Variants in SPAG16 observed in about 807,000 individuals in gnomAD.
SPAG16 encodes sperm-associated antigen 16 protein.
Under a neutral mutation model 80.4 loss-of-function variants are expected in SPAG16, and 86 were observed. The observed-to-expected ratio is 1.07, with a 90% CI of 0.90 to 1.28. The LOEUF (loss-of-function observed/expected upper bound fraction) is 1.28, where lower values mean the gene tolerates loss of function less well. Among genes scored for constraint, SPAG16 ranks in the 50% most tolerant of loss-of-function variants. SPAG16 has a pLI of 0.00. For missense variants in SPAG16, 870 were observed against 765.3 expected (o/e 1.14, Z -1.61); for synonymous variants, 294 against 265.9 (o/e 1.11, Z -1.03).
chr2:213,733,204 A>G (rs1346652032), intron 10 of SPAG16, among the ~76,000 whole-genome samples: 2 of 125,354 alleles, frequency 1.6e-5, no homozygotes, highest in Non-Finnish European at 1.7e-5. Context: ...TCCTTCACCT[A>G]CTTTGTAATG....
At chr2:213,284,899 G>A in intron 1 of SPAG16, 1 of 421,276 alleles carries the variant, frequency 2.4e-6, no homozygotes, top group South Asian at 9.3e-5. Context: ...TTTGGATGGA[G>A]GGTTGCTTTT....
chr2:213,340,399 AC>A (rs1473860970), intron 6 of SPAG16, 129 bp downstream of exon 6: 1 of 676,806 alleles, frequency 1.5e-6, no homozygotes, highest in Non-Finnish European at 2.5e-6. Flanking sequence ...GTAAGTTGCG[AC>A]CCTTGCTGTC....
chr2:214,031,608 AAAT>A (rs1436089085), intron 13 of SPAG16, among the ~76,000 whole-genome samples: 3 of 92,654 alleles, frequency 3.2e-5, no homozygotes, highest in Non-Finnish European at 6.6e-5. Context: ...TAATAAAATA[AAAT>A]AAAATAAAAT....
At chr2:214,217,288 A>G (rs2058456252) in intron 15 of SPAG16, among the ~76,000 whole-genome samples, 1 of 152,228 alleles carries the variant, frequency 6.6e-6, no homozygotes, top group African/African-American at 2.4e-5. Flanking sequence ...TTTTAGTGCT[A>G]TCCCATGCCT....
chr2:214,267,460 TA>T (rs1559167339), intron 15 of SPAG16, among the ~76,000 whole-genome samples: 1 of 151,768 alleles, frequency 6.6e-6, no homozygotes, highest in African/African-American at 2.4e-5. Flanking sequence ...AGAATAAAAA[TA>T]GGCTCTTATT....
intron 13 of SPAG16, among the ~76,000 whole-genome samples, chr2:214,061,089 G>A (rs1021720248): frequency 6.6e-6 from 1 of 152,162 alleles, no homozygotes; most frequent in African/African-American, 2.4e-5. Context: ...GTGAGACAGA[G>A]TACTAAGAGA....
chr2:213,823,998 C>T (rs2073115307), intron 10 of SPAG16, among the ~76,000 whole-genome samples: 1 of 152,116 alleles, frequency 6.6e-6, no homozygotes, highest in South Asian at 2.1e-4. Flanking sequence ...ATGCCTATGT[C>T]CTGAATGGTA....
At chr2:213,442,618 C>A in intron 9 of SPAG16, among the ~76,000 whole-genome samples, 1 of 151,790 alleles carries the variant, frequency 6.6e-6, no homozygotes, top group Admixed American at 6.6e-5. Flanking sequence ...TACAGCCACA[C>A]AAATATAGTC....
intron 13 of SPAG16, among the ~76,000 whole-genome samples, chr2:214,035,808 A>AGAGCT (rs2048666380): frequency 1.3e-5 from 2 of 152,296 alleles, no homozygotes; most frequent in African/African-American, 4.8e-5. Context: ...CTGGATGGTC[A>AGAGCT]GAGCTGTGCC....
intron 10 of SPAG16, among the ~76,000 whole-genome samples, chr2:213,550,003 T>C (rs1050958030): frequency 1.3e-5 from 2 of 152,120 alleles, no homozygotes; most frequent in East Asian, 3.8e-4. Flanking sequence ...AGGGTCTGAA[T>C]ATTTTTATAG....
intron 13 of SPAG16, among the ~76,000 whole-genome samples, chr2:214,061,077 T>C (rs1010128983): frequency 1.3e-5 from 2 of 152,158 alleles, no homozygotes; most frequent in African/African-American, 4.8e-5. Context: ...TGACTCAAGT[T>C]TGTGAGACAG....
chr2:213,567,126 GAGAC>G (rs893793945), intron 10 of SPAG16, among the ~76,000 whole-genome samples: 3 of 147,452 alleles, frequency 2.0e-5, no homozygotes, highest in African/African-American at 7.5e-5. Flanking sequence ...AGAAACTCCA[GAGAC>G]AAAGTTGGAT....
At chr2:214,215,434 C>A (rs1037304073) in intron 15 of SPAG16, among the ~76,000 whole-genome samples, 1 of 152,166 alleles carries the variant, frequency 6.6e-6, no homozygotes, top group African/African-American at 2.4e-5. Flanking sequence ...CTGCTTCTTT[C>A]TTGCTTTGTT....
At chr2:213,361,055 T>C (rs2065951352) in intron 7 of SPAG16, among the ~76,000 whole-genome samples, 1 of 152,108 alleles carries the variant, frequency 6.6e-6, no homozygotes, top group African/African-American at 2.4e-5. Flanking sequence ...AATTTTTGAT[T>C]ATTATCTAGT....
intron 10 of SPAG16, among the ~76,000 whole-genome samples, chr2:213,609,662 C>A (rs1316873514): frequency 6.6e-6 from 1 of 152,148 alleles, no homozygotes; most frequent in African/African-American, 2.4e-5. Flanking sequence ...TGGGCATTTT[C>A]TGCCCATCTC....
chr2:213,556,312 C>CAAAAAA (rs35010847), intron 10 of SPAG16, among the ~76,000 whole-genome samples: 14 of 112,834 alleles, frequency 1.2e-4, no homozygotes, highest in African/African-American at 3.8e-4. Flanking sequence ...AAAAAAAAAC[C>CAAAAAA]AAAAAAAAAA....
intron 10 of SPAG16, among the ~76,000 whole-genome samples, chr2:213,835,953 C>T (rs961914975): frequency 2.0e-5 from 3 of 152,050 alleles, no homozygotes; most frequent in African/African-American, 7.2e-5. Context: ...TGAACCTATA[C>T]CCATGTTTAC....
chr2:213,827,228 G>C (rs1231389835), intron 10 of SPAG16, among the ~76,000 whole-genome samples: 1 of 151,636 alleles, frequency 6.6e-6, no homozygotes, highest in Middle Eastern at 3.4e-3. Flanking sequence ...GTTTTTTGTT[G>C]TCTAGTTGTT....
chr2:213,579,530 A>G (rs1030939063), intron 10 of SPAG16, among the ~76,000 whole-genome samples: 1 of 152,160 alleles, frequency 6.6e-6, no homozygotes, highest in East Asian at 1.9e-4. Context: ...ACTCTCCTTG[A>G]TATTTTATGC....
Sources: allele counts gnomAD v4.1 joint callset (sites outside exome capture counted in the v4.1 genomes callset), GRCh38; gene constraint gnomAD v4.1.1; transcripts MANE v1.5; gene names NCBI Gene and HGNC (gene_info 2026-07-23, HGNC 2026-07-21).